The following ZNF804B variants were observed in gnomAD, a reference collection of about 807,000 sequenced individuals.
ZNF804B encodes the protein zinc finger protein 804B.
A neutral mutation model predicts 101.4 loss-of-function variants in ZNF804B; 80 were observed. The ratio of observed to expected loss-of-function variants is 0.79; its 90% CI spans 0.66 to 0.95. The LOEUF is 0.95. Among genes scored for constraint, ZNF804B ranks in the 40% least tolerant of loss-of-function variants. The pLI is 0.00. For missense variants in ZNF804B, 1,673 were observed against 1,561.9 expected, an observed-to-expected ratio of 1.07 and a Z score of -1.20; for synonymous variants, 622 against 558.8, an observed-to-expected ratio of 1.11 and a Z score of -1.59.
At chr7:88,806,341 T>A (rs911318443) in intron 1 of ZNF804B, among the ~76,000 whole-genome samples, 8 of 152,162 alleles carry the variant, frequency 5.3e-5, no homozygotes, top group African/African-American at 1.9e-4. Context: ...GTGATTATAT[T>A]TGCTCCTAAT....
At chr7:89,112,223 C>G (rs1035717534) in intron 1 of ZNF804B, among the ~76,000 whole-genome samples, 10 of 152,004 alleles carry the variant, frequency 6.6e-5, no homozygotes, top group African/African-American at 2.2e-4. Context: ...TTCTCCTAAG[C>G]TATCTTATAA....
chr7:89,163,879 C>T (rs1791103969), intron 1 of ZNF804B, among the ~76,000 whole-genome samples: 2 of 151,688 alleles, frequency 1.3e-5, no homozygotes, highest in South Asian at 4.2e-4. Context: ...TTTCCTTCCC[C>T]TTTTCATTTT....
intron 3 of ZNF804B, among the ~76,000 whole-genome samples, chr7:89,332,501 T>C (rs1791001420): frequency 1.3e-5 from 2 of 151,780 alleles, no homozygotes; most frequent in Admixed American, 1.3e-4. Flanking sequence ...ATGATGTGAT[T>C]TGTATTGTCT....
chr7:89,059,861 G>C (rs1304185165), intron 1 of ZNF804B, among the ~76,000 whole-genome samples: 1 of 151,492 alleles, frequency 6.6e-6, no homozygotes, highest in Non-Finnish European at 1.5e-5. Context: ...GAGCAGACTA[G>C]ATGGGACATG....
At chr7:88,827,992 A>T (rs1562804939) in intron 1 of ZNF804B, among the ~76,000 whole-genome samples, 1 of 152,002 alleles carries the variant, frequency 6.6e-6, no homozygotes, top group Non-Finnish European at 1.5e-5. Context: ...TACTTTTCCA[A>T]GCTCTTTTTT....
chr7:89,090,931 C>T (rs1440405779), intron 1 of ZNF804B, among the ~76,000 whole-genome samples: 1 of 151,868 alleles, frequency 6.6e-6, no homozygotes, highest in Non-Finnish European at 1.5e-5. Context: ...GAGAACTGCA[C>T]ACGTAATTAA....
In ZNF804B at chr7:89,333,610, C is replaced by T. The variant is rs139681818; in HGVS notation, c.628C>T (p.Leu210Phe). The T allele has an allele frequency of 1.9e-6, 3 of 1,613,578 alleles. No homozygotes were observed. The highest frequency in any genetic ancestry group is 1.7e-5 in the Admixed American group (1 of 59,898). Residue 210 changes from leucine (L) to phenylalanine (F), a missense_variant, in exon 4 of 4, where the codon CTC (leucine) becomes TTC (phenylalanine). Coordinates refer to ENST00000333190, the MANE Select transcript of ZNF804B (RefSeq NM_181646.5). ...TCAGGTACTGCAAACATCTTCAGAT[C>T]TCAGCAATGCAAATCACAGAACAGG... ...GNQVLQTSSD[L>F]SNANHRTGVS... is the part of the protein sequence containing the mutation.
rs1790455540 is a variant in ZNF804B, at chr7:89,300,483, A to AATT, written c.250-26860_250-26859insTTA. Among the ~76,000 whole-genome samples, 3 of 151,966 alleles carry AATT rather than the reference A, an allele frequency of 2.0e-5. No homozygotes were observed. The East Asian group carries it at 5.8e-4, about 30-fold the overall frequency. On this transcript the variant is annotated intron_variant, in intron 2 of 3. Transcript: ENST00000333190. ...TTAGAGCTATTTTTAATTAGTGGTG[A>AATT]AGGTAAGCCTCTGACAGCATGATAT...
chr7:89,220,148 T>TACACAC (rs1303608796), intron 2 of ZNF804B, among the ~76,000 whole-genome samples: 3 of 90,108 alleles, frequency 3.3e-5, no homozygotes, highest in African/African-American at 1.4e-4. Flanking sequence ...TGTGTGTATA[T>TACACAC]ACATATATAT....
intron 1 of ZNF804B, among the ~76,000 whole-genome samples, chr7:89,033,131 A>G (rs1020601048): frequency 6.7e-6 from 1 of 149,992 alleles, no homozygotes; most frequent in Non-Finnish European, 1.5e-5. Flanking sequence ...TTCCACTCCT[A>G]CTCCCCAGCC....
chr7:88,950,871 T>C (rs548164117), intron 1 of ZNF804B, among the ~76,000 whole-genome samples: 2 of 151,946 alleles, frequency 1.3e-5, no homozygotes, highest in Admixed American at 1.3e-4. Flanking sequence ...TTTTCAGATA[T>C]ACAGAAAATT....
At chr7:88,796,894 T>C (rs990081849) in intron 1 of ZNF804B, among the ~76,000 whole-genome samples, 3 of 152,060 alleles carry the variant, frequency 2.0e-5, no homozygotes, top group African/African-American at 4.8e-5. Flanking sequence ...AGTCTCAAGG[T>C]AGACACAACT....
intron 1 of ZNF804B, among the ~76,000 whole-genome samples, chr7:89,064,533 G>T (rs753700109): frequency 6.6e-6 from 1 of 152,126 alleles, no homozygotes; most frequent in Non-Finnish European, 1.5e-5. Flanking sequence ...ACATCTTGAG[G>T]TTTATTTCTT....
intron 1 of ZNF804B, among the ~76,000 whole-genome samples, chr7:89,038,896 A>G (rs1227694721): frequency 6.6e-6 from 1 of 152,084 alleles, no homozygotes; most frequent in Non-Finnish European, 1.5e-5. Flanking sequence ...TTTTCCCAGT[A>G]CCATTTATTA....
At chr7:89,192,677 A>G (rs1025018511) in intron 1 of ZNF804B, among the ~76,000 whole-genome samples, 2 of 151,952 alleles carry the variant, frequency 1.3e-5, no homozygotes, top group Non-Finnish European at 2.9e-5. Flanking sequence ...TTCTGACACC[A>G]TACCTAGCAG....
chr7:88,760,399 C>T (rs2519936), intron 1 of ZNF804B, among the ~76,000 whole-genome samples: 57,848 of 152,090 alleles, frequency 0.38, 13,721 homozygotes, highest in African/African-American at 0.68. Flanking sequence ...TGTCAACTTA[C>T]GAATCTGCTG....
At chr7:88,846,935 T>TAC (rs34253376) in intron 1 of ZNF804B, among the ~76,000 whole-genome samples, 8,213 of 149,598 alleles carry the variant, frequency 0.055, 250 homozygotes, top group Middle Eastern at 0.12. Flanking sequence ...TAAATGTGTA[T>TAC]ACACACACAC....
intron 1 of ZNF804B, among the ~76,000 whole-genome samples, chr7:89,147,579 GGCT>G (rs1392916354): frequency 1.3e-5 from 2 of 151,888 alleles, no homozygotes; most frequent in Non-Finnish European, 2.9e-5. Flanking sequence ...CCATGCCCTG[GGCT>G]GCTACCAGTC....
chr7:88,817,242 G>A (rs1437656464), intron 1 of ZNF804B, among the ~76,000 whole-genome samples: 2 of 152,098 alleles, frequency 1.3e-5, no homozygotes, highest in African/African-American at 2.4e-5. Context: ...GGGATGGGGG[G>A]ATGGGGGAGG....
Sources: gnomAD v4.1 joint callset for allele counts (sites outside exome capture counted in the v4.1 genomes callset) on GRCh38, gnomAD v4.1.1 for gene constraint, MANE v1.5 for transcripts, NCBI Gene and HGNC (gene_info 2026-07-23, HGNC 2026-07-21) for gene names.